Variants in TBC1D22A observed in about 807,000 individuals in gnomAD.
TBC1D22A encodes the protein putative GTPase activator.
In TBC1D22A, 38 loss-of-function variants were observed where a neutral mutation model predicts 60.2. That is an observed-to-expected ratio of 0.63 (90% CI 0.49 to 0.83). The LOEUF is 0.83. Among genes scored for constraint, TBC1D22A ranks in the 40% least tolerant of loss-of-function variants. The pLI is 0.00. For missense variants in TBC1D22A, 628 were observed against 701.0 expected (o/e 0.90, Z 1.18); for synonymous variants, 302 against 281.7 (o/e 1.07, Z -0.72).
intron 4 of TBC1D22A, among the ~76,000 whole-genome samples, chr22:46,810,676 C>T (rs1169913194): frequency 1.3e-5 from 2 of 152,166 alleles, no homozygotes; most frequent in Non-Finnish European, 2.9e-5. Context: ...ACAACCCCTA[C>T]CTCAGGTATT....
chr22:47,083,382 C>T lies in TBC1D22A; in HGVS notation c.1330-28126C>T, dbSNP rs546612105. ...ACACACACACACACACACACACACA[C>T]GAGTCAAAACATGAACCCAAAGTAA... On this transcript the variant is annotated intron_variant, in intron 11 of 12. Transcript: ENST00000337137. 1.5e-4 allele frequency among the ~76,000 whole-genome samples: 22 copies of T among 146,234 alleles called. No homozygotes were observed. In the East Asian group the frequency reaches 2.1e-3, roughly 14 times the overall value.
intron 11 of TBC1D22A, among the ~76,000 whole-genome samples, chr22:47,056,629 C>T (rs561957746): frequency 8.5e-5 from 13 of 152,308 alleles, no homozygotes; most frequent in Middle Eastern, 3.4e-3. Context: ...CTGCCTGAGC[C>T]GTGCAGCTGG....
chr22:46,806,840 T>A (rs2085163030), intron 4 of TBC1D22A, among the ~76,000 whole-genome samples: 1 of 152,140 alleles, frequency 6.6e-6, no homozygotes, highest in Admixed American at 6.5e-5. Flanking sequence ...GGTAGAATAG[T>A]GCTGATCTTC....
chr22:47,103,155 G>A (rs1288580394), intron 11 of TBC1D22A, among the ~76,000 whole-genome samples: 1 of 152,186 alleles, frequency 6.6e-6, no homozygotes, highest in African/African-American at 2.4e-5. Flanking sequence ...GTAACCCAAG[G>A]TGGTGGATTT....
intron 4 of TBC1D22A, among the ~76,000 whole-genome samples, chr22:46,827,116 A>G (rs1327622087): frequency 2.6e-5 from 4 of 152,180 alleles, no homozygotes; most frequent in Non-Finnish European, 5.9e-5. Flanking sequence ...ACCTATTTAT[A>G]AGTGCCACGA....
At chr22:47,078,508 T>C (rs2064321535) in intron 11 of TBC1D22A, among the ~76,000 whole-genome samples, 1 of 152,116 alleles carries the variant, frequency 6.6e-6, no homozygotes, top group East Asian at 1.9e-4. Flanking sequence ...ATCCACTTCA[T>C]GAGACCATTG....
chr22:47,136,407 C>T (rs1007830091), intron 12 of TBC1D22A, among the ~76,000 whole-genome samples: 6 of 152,254 alleles, frequency 3.9e-5, no homozygotes, highest in African/African-American at 9.6e-5. Context: ...CCCAGCTCCA[C>T]GCTTCGACCA....
At chr22:47,147,759 C>A (rs187334426) in intron 12 of TBC1D22A, among the ~76,000 whole-genome samples, 1 of 152,230 alleles carries the variant, frequency 6.6e-6, no homozygotes, top group African/African-American at 2.4e-5. Context: ...GCAGTGAGCA[C>A]AGGTGGCCTG....
intron 11 of TBC1D22A, among the ~76,000 whole-genome samples, chr22:47,066,641 C>G (rs888621044): frequency 3.3e-5 from 5 of 152,222 alleles, no homozygotes; most frequent in Admixed American, 2.0e-4. Context: ...CTGGCCAGCT[C>G]TGTCCCACAG....
At chr22:46,846,710 C>A (rs1000755284) in intron 4 of TBC1D22A, among the ~76,000 whole-genome samples, 9 of 152,164 alleles carry the variant, frequency 5.9e-5, no homozygotes, top group Non-Finnish European at 1.2e-4. Context: ...TCATCTTCAC[C>A]CGGATTCGGC....
intron 4 of TBC1D22A, among the ~76,000 whole-genome samples, chr22:46,838,462 G>A (rs1191462966): frequency 6.6e-6 from 1 of 152,198 alleles, no homozygotes; most frequent in Non-Finnish European, 1.5e-5. Flanking sequence ...TGGCTTCACT[G>A]GTGAATTCTA....
At chr22:47,143,992 T>C (rs1047932511) in intron 12 of TBC1D22A, among the ~76,000 whole-genome samples, 2 of 152,182 alleles carry the variant, frequency 1.3e-5, no homozygotes, top group African/African-American at 4.8e-5. Flanking sequence ...ACACTCCGAA[T>C]CAAGCCTTTA....
chr22:46,846,321 T>C (rs1043599421), intron 4 of TBC1D22A, among the ~76,000 whole-genome samples: 1 of 151,520 alleles, frequency 6.6e-6, no homozygotes, highest in African/African-American at 2.4e-5. Flanking sequence ...TGTATGTATG[T>C]TTGTCAGTGG....
In TBC1D22A at chr22:47,157,120, G is replaced by T. The variant is rs1009289909; in HGVS notation, c.1426-16378G>T. On this transcript the variant is annotated intron_variant, in intron 12 of 12. Transcript: ENST00000337137. ...TCTGGGGGTGCAAGGCGCCTCCTGT[G>T]GGGGTGATTCGTCTCCTTGCAGTGC... 2.6e-5 allele frequency among the ~76,000 whole-genome samples: 4 copies of T among 152,218 alleles called. No homozygotes were observed. In the East Asian group the frequency reaches 7.7e-4, roughly 29 times the overall value.
chr22:46,817,155 C>T (rs2085638016), intron 4 of TBC1D22A, among the ~76,000 whole-genome samples: 1 of 151,940 alleles, frequency 6.6e-6, no homozygotes, highest in Non-Finnish European at 1.5e-5. Flanking sequence ...ACTGGAATAG[C>T]TTTCTCTGTA....
chr22:46,951,494 G>A (rs1356393448), intron 8 of TBC1D22A, among the ~76,000 whole-genome samples: 1 of 152,186 alleles, frequency 6.6e-6, no homozygotes, highest in Non-Finnish European at 1.5e-5. Context: ...GTACAGTTGG[G>A]CCAGTTGTGC....
chr22:46,879,116 GTTTTTTT>G lies in TBC1D22A; in HGVS notation c.708+404_708+410del, dbSNP rs131870. Among the ~76,000 whole-genome samples the G allele has an allele frequency of 1.5e-4, 20 of 135,434 alleles. No individual in the cohort carries two copies. The East Asian group carries it at 3.4e-3, about 23-fold the overall frequency. The allele number at this position is 135,434 out of a possible 152,430, so 88.8% of individuals were successfully genotyped here. A position where few individuals can be genotyped will look rare whatever the true frequency, so the allele number is the denominator to read the frequency against. On this transcript the variant is annotated intron_variant, in intron 5 of 12. Transcript: ENST00000337137. ...AAAACAAGGACATATGTTTGACCAA[GTTTTTTT>G]TTTTTTTTTTGTAAGTATTAGTAGC...
chr22:47,107,524 AC>A (rs2065680958), intron 11 of TBC1D22A, among the ~76,000 whole-genome samples: 1 of 152,234 alleles, frequency 6.6e-6, no homozygotes, highest in Non-Finnish European at 1.5e-5. Flanking sequence ...AAATCTAAAA[AC>A]AGATATAATA....
At chr22:46,813,333 G>T (rs1341129969) in intron 4 of TBC1D22A, among the ~76,000 whole-genome samples, 1 of 152,136 alleles carries the variant, frequency 6.6e-6, no homozygotes, top group Admixed American at 6.5e-5. Flanking sequence ...GATCTATTTA[G>T]CAAAGTCATT....
Sources: allele counts gnomAD v4.1 joint callset (sites outside exome capture counted in the v4.1 genomes callset), GRCh38; gene constraint gnomAD v4.1.1; transcripts MANE v1.5; gene names NCBI Gene and HGNC (gene_info 2026-07-23, HGNC 2026-07-21).